Variants in CELSR1 observed in about 807,000 individuals in gnomAD.
CELSR1 encodes the protein cadherin EGF LAG seven-pass G-type receptor 1, also known as adhesion G protein-coupled receptor C1.
A neutral mutation model predicts 249.1 loss-of-function variants in CELSR1; 110 were observed. The ratio of observed to expected loss-of-function variants is 0.44; its 90% CI spans 0.38 to 0.52. CELSR1 has a LOEUF of 0.52. Among genes scored for constraint, CELSR1 ranks in the 20% least tolerant of loss-of-function variants. The pLI is 0.00. For missense variants in CELSR1, 4,109 were observed against 4,296.4 expected (o/e 0.96, Z 1.22); for synonymous variants, 2,113 against 1,900.0 (o/e 1.11, Z -2.92).
intron 1 of CELSR1, among the ~76,000 whole-genome samples, chr22:46,499,416 T>TA (rs1303148052): frequency 6.6e-6 from 1 of 152,118 alleles, no homozygotes; most frequent in Non-Finnish European, 1.5e-5. Flanking sequence ...GCAAAAATCT[T>TA]AGACAATGAT....
At chr22:46,378,225 C>T (rs1407824261) in intron 23 of CELSR1, among the ~76,000 whole-genome samples, 5 of 152,306 alleles carry the variant, frequency 3.3e-5, no homozygotes, top group African/African-American at 7.2e-5. Flanking sequence ...AGGTGGGGAG[C>T]GGCACCGTCC....
At chr22:46,519,378 C>T (rs991396152) in intron 1 of CELSR1, among the ~76,000 whole-genome samples, 4 of 152,246 alleles carry the variant, frequency 2.6e-5, no homozygotes, top group African/African-American at 9.6e-5. Flanking sequence ...ACACTTGAAC[C>T]AGCGTGTGTA....
At chr22:46,493,523 G>GTGAC (rs2080387075) in intron 1 of CELSR1, among the ~76,000 whole-genome samples, 1 of 149,618 alleles carries the variant, frequency 6.7e-6, no homozygotes, top group Non-Finnish European at 1.5e-5. Context: ...TCCAGCCTGG[G>GTGAC]TGACAGAACG....
chr22:46,368,579 G>A (rs1470092713), intron 27 of CELSR1, among the ~76,000 whole-genome samples: 2 of 151,968 alleles, frequency 1.3e-5, no homozygotes, highest in South Asian at 2.1e-4. Flanking sequence ...TCCCATCTCA[G>A]CTACCAGGTC....
chr22:46,513,707 C>T (rs1276890449), intron 1 of CELSR1, among the ~76,000 whole-genome samples: 3 of 152,194 alleles, frequency 2.0e-5, no homozygotes, highest in Non-Finnish European at 4.4e-5. Flanking sequence ...AGCCAACACT[C>T]ACCTGCGCAG....
intron 2 of CELSR1, among the ~76,000 whole-genome samples, chr22:46,460,202 CACA>C (rs1569179849): frequency 1.6e-5 from 2 of 126,768 alleles, no homozygotes; most frequent in African/African-American, 3.2e-5. Flanking sequence ...CACACACACA[CACA>C]CACACACACA....
At position 46,391,229 on chromosome 22, in the gene CELSR1, C is replaced by T; in HGVS notation, c.6207G>A (p.Lys2069=). The T allele has an allele frequency of 6.2e-7, 1 of 1,613,760 alleles. No homozygotes were observed. Among genetic ancestry groups the T allele is most frequent in the Non-Finnish European group, 8.5e-7 (1 of 1,180,016 alleles). ...ATGGCACCGCAGCCGGCTGCCCGAACTTGGTCTGTGGCCACCAGATGCCGG... is the reference window on the plus strand; with the variant it reads ...ATGGCACCGCAGCCGGCTGCCCGAATTTGGTCTGTGGCCACCAGATGCCGG... ...FEAGIWWPQT[K]FGQPAAVPCP... Residue 2069 remains lysine (K), a synonymous_variant, in exon 16 of 35, where the codon AAG becomes AAA. Transcript: ENST00000674500. The surrounding 1 kb of genome is among the most constrained non-coding windows in gnomAD (Gnocchi z 4.3).
rs2078701433 is a variant in CELSR1 at position 46,361,284 on chromosome 22, C to T, written c.*1939G>A. On this transcript the variant is annotated 3_prime_UTR_variant, in exon 35 of 35. Transcript: ENST00000674500. ...AAAAACCTCCAGTGTCTAATCTCTC[C>T]CATAAAGTCTTAAGTAATAAAAATA... 1 of 152,526 alleles carries T rather than the reference C, an allele frequency of 6.6e-6. No individual in the cohort carries two copies. Among genetic ancestry groups the T allele is most frequent in the African/African-American group, 2.4e-5 (1 of 41,420 alleles). 9.4% of individuals were successfully genotyped at this position (152,526 alleles called of 1,614,324 possible).
intron 25 of CELSR1, 97 bp downstream of exon 25, chr22:46,372,786 G>T (rs1218544650): frequency 1.4e-6 from 2 of 1,435,708 alleles, no homozygotes; most frequent in East Asian, 4.6e-5. Context: ...CAAGCATTGG[G>T]GCTGGGCAGG....
intron 9 of CELSR1, among the ~76,000 whole-genome samples, chr22:46,400,440 C>T (rs2079198946): frequency 6.6e-6 from 1 of 152,116 alleles, no homozygotes; most frequent in Non-Finnish European, 1.5e-5. Flanking sequence ...GAGTTCAAGA[C>T]CAGCCTGGCC....
In CELSR1 at chr22:46,364,602, GCTC is replaced by G; in HGVS notation, c.8686_8688del (p.Glu2896del). ...GGGTACTCTCCACGGTGACTGCCCTGCTCCTCGCGGTGCAGCTCCACGCTGACC... is the reference window on the plus strand; with the variant it reads ...GGGTACTCTCCACGGTGACTGCCCTGCTCGCGGTGCAGCTCCACGCTGACC... On this transcript the variant is annotated inframe_deletion, in exon 33 of 35. Transcript: ENST00000674500. 6.2e-7 allele frequency: 1 copy of G among 1,612,680 alleles called. No homozygotes were observed. The highest frequency in any genetic ancestry group is 8.5e-7 in the Non-Finnish European group (1 of 1,179,904).
At position 46,454,806 on chromosome 22, in the gene CELSR1, C is replaced by T. The variant is rs1490372668; in HGVS notation, c.4183+8901G>A. On this transcript the variant is annotated intron_variant, in intron 2 of 34. Coordinates refer to ENST00000674500, the MANE Select transcript of CELSR1 (RefSeq NM_001378328.1). This position sits in a 1 kb window ranked among gnomAD's most constrained non-coding sequence, Gnocchi z 5.1. Reference sequence around the variant, plus strand: ...CAGGCAGGCCAGTGAGAAGCGCCAACAGCCCTGGTTCCCAAACTCCTTAGC... The same window carrying T: ...CAGGCAGGCCAGTGAGAAGCGCCAATAGCCCTGGTTCCCAAACTCCTTAGC... Among the ~76,000 whole-genome samples, 2 of 152,262 alleles carry T rather than the reference C, an allele frequency of 1.3e-5. No homozygotes were observed. Among genetic ancestry groups the T allele is most frequent in the African/African-American group, 2.4e-5 (1 of 41,474 alleles).
intron 1 of CELSR1, among the ~76,000 whole-genome samples, chr22:46,467,599 G>A (rs1293175725): frequency 2.0e-5 from 3 of 151,982 alleles, no homozygotes; most frequent in African/African-American, 7.3e-5. Context: ...GAGGCGGGCA[G>A]ATCACAAGTT....
At chr22:46,532,381 G>A (rs2080800628) in intron 1 of CELSR1, among the ~76,000 whole-genome samples, 2 of 152,204 alleles carry the variant, frequency 1.3e-5, no homozygotes, top group Admixed American at 1.3e-4. Flanking sequence ...CAAATAGACT[G>A]TACTGCCAAA....
rs565310862 is a variant in CELSR1, at chr22:46,440,485, C to T, written c.4184-1074G>A. Among the ~76,000 whole-genome samples the T allele has an allele frequency of 6.6e-6, 1 of 152,338 alleles. No homozygotes were observed. The highest frequency in any genetic ancestry group is 1.9e-4 in the East Asian group (1 of 5,176). Reference sequence around the variant, plus strand: ...AAGTGCTGGGATTACAGGCGTGAGCCACCGCGCCCGGCCAGTATGATCAAT... The same window carrying T: ...AAGTGCTGGGATTACAGGCGTGAGCTACCGCGCCCGGCCAGTATGATCAAT... On this transcript the variant is annotated intron_variant, in intron 2 of 34. Transcript: ENST00000674500. This position sits in a 1 kb window ranked among gnomAD's most constrained non-coding sequence, Gnocchi z 4.7.
chr22:46,480,347 G>A (rs745778662), intron 1 of CELSR1, among the ~76,000 whole-genome samples: 13 of 152,182 alleles, frequency 8.5e-5, no homozygotes, highest in Non-Finnish European at 1.8e-4. Flanking sequence ...AAAATTTTAA[G>A]AAAAGTACAT....
intron 1 of CELSR1, among the ~76,000 whole-genome samples, chr22:46,487,532 G>A (rs1300817927): frequency 9.7e-6 from 1 of 102,880 alleles, no homozygotes; most frequent in Non-Finnish European, 1.9e-5. Flanking sequence ...TGAGCCCCAC[G>A]GGGGAGGGGA....
rs776488995 is a variant in CELSR1 at position 46,399,523 on chromosome 22, C to T, written c.5412+194G>A. On this transcript the variant is annotated intron_variant, in intron 10 of 34. Coordinates refer to ENST00000674500, the MANE Select transcript of CELSR1 (RefSeq NM_001378328.1). This position sits in a 1 kb window ranked among gnomAD's most constrained non-coding sequence, Gnocchi z 5.0. ...TGCTGACTGCCGGGGGCGGGGCATC[C>T]GGATGAAGGAGGTGAGGAAGATGCC... Among the ~76,000 whole-genome samples, 45 of 152,206 alleles carry T rather than the reference C, an allele frequency of 3.0e-4. No homozygotes were observed. Among genetic ancestry groups the T allele is most frequent in the African/African-American group, 9.7e-4 (40 of 41,450 alleles).
At position 46,391,202 on chromosome 22, in the gene CELSR1, G is replaced by A. The variant is rs2147253952; in HGVS notation, c.6234C>T (p.Cys2078=). The A allele has an allele frequency of 3.1e-6, 5 of 1,613,172 alleles. No homozygotes were observed. The Middle Eastern group carries it at 8.3e-4, about 266-fold the overall frequency. Residue 2078 remains cysteine (C), a synonymous_variant, in exon 16 of 35, where the codon TGC becomes TGT. Coordinates refer to ENST00000674500, the MANE Select transcript of CELSR1 (RefSeq NM_001378328.1). The surrounding 1 kb of genome is among the most constrained non-coding windows in gnomAD (Gnocchi z 4.3). ...TKFGQPAAVP[C]PKGSVGNAVR... is the part of the protein sequence containing the mutation. ...GCGACTCACCAACGGATCCCTTAGG[G>A]CATGGCACCGCAGCCGGCTGCCCGA...
Sources: gnomAD v4.1 joint callset for allele counts (sites outside exome capture counted in the v4.1 genomes callset) on GRCh38, gnomAD v4.1.1 for gene constraint, Gnocchi (gnomAD v3.1) non-coding constraint, MANE v1.5 for transcripts, NCBI Gene and HGNC (gene_info 2026-07-23, HGNC 2026-07-21) for gene names.